The following VPS13D variants were observed in gnomAD, a reference collection of about 807,000 sequenced individuals.
VPS13D encodes intermembrane lipid transfer protein VPS13D.
Under a neutral mutation model 461.9 loss-of-function variants are expected in VPS13D, and 187 were observed. The ratio of observed to expected loss-of-function variants is 0.40; its 90% CI spans 0.36 to 0.46. VPS13D has a LOEUF of 0.46. VPS13D is among the 20% of genes least tolerant of loss of function. The pLI is 0.60. For missense variants in VPS13D, 4,711 were observed against 5,364.9 expected, an observed-to-expected ratio of 0.88 and a Z score of 3.81; for synonymous variants, 1,951 against 1,986.3, an observed-to-expected ratio of 0.98 and a Z score of 0.47.
intron 41 of VPS13D, 75 bp downstream of exon 41, chr1:12,341,960 G>T: frequency 7.2e-7 from 1 of 1,393,592 alleles, no homozygotes; most frequent in Non-Finnish European, 1.0e-6. Flanking sequence ...GTAGAGCAAG[G>T]TGGGCCCCCT....
At chr1:12,457,846 A>G (rs1378273198) in intron 66 of VPS13D, among the ~76,000 whole-genome samples, 3 of 152,226 alleles carry the variant, frequency 2.0e-5, no homozygotes, top group Non-Finnish European at 4.4e-5. Context: ...TAATTTGTTT[A>G]TGGATTTTAA....
At chr1:12,401,577 A>C (rs764807921) in intron 61 of VPS13D, 31 bp from the exon 62 acceptor site, 2 of 1,560,214 alleles carry the variant, frequency 1.3e-6, no homozygotes, top group Admixed American at 1.7e-5. Flanking sequence ...TCTGGTGTTC[A>C]CACTTTAAAT....
At chr1:12,267,145 T>TTAACAATTTCAA in intron 14 of VPS13D, 134 bp downstream of exon 14, 1 of 1,022,540 alleles carries the variant, frequency 9.8e-7, no homozygotes, top group Non-Finnish European at 1.3e-6. Flanking sequence ...AAAAGTTTCT[T>TTAACAATTTCAA]GAAATTGTTA....
At chr1:12,461,928 C>T (rs913501123) in intron 67 of VPS13D, among the ~76,000 whole-genome samples, 4 of 152,206 alleles carry the variant, frequency 2.6e-5, no homozygotes, top group African/African-American at 9.7e-5. Context: ...GCCACAGTCA[C>T]TGCAGAAAGA....
At chr1:12,245,692 TGCACCCCATTCTGG>T (rs1640528292) in intron 5 of VPS13D, among the ~76,000 whole-genome samples, 1 of 152,122 alleles carries the variant, frequency 6.6e-6, no homozygotes, top group South Asian at 2.1e-4. Flanking sequence ...ATAGTGCCCC[TGCACCCCATTCTGG>T]GCAACAGACC....
At chr1:12,444,362 A>G (rs1645167522) in intron 65 of VPS13D, among the ~76,000 whole-genome samples, 1 of 152,082 alleles carries the variant, frequency 6.6e-6, no homozygotes, top group Non-Finnish European at 1.5e-5. Flanking sequence ...ATGCCTCGAT[A>G]TGATTCTCAG....
At chr1:12,392,445 C>A (rs1644439272) in intron 60 of VPS13D, among the ~76,000 whole-genome samples, 3 of 150,270 alleles carry the variant, frequency 2.0e-5, no homozygotes, top group Admixed American at 6.6e-5. Context: ...CTCCTTTACA[C>A]TCCAGCCTGG....
At chr1:12,381,134 A>AATGTGT (rs1299114536) in intron 57 of VPS13D, among the ~76,000 whole-genome samples, 1 of 152,198 alleles carries the variant, frequency 6.6e-6, no homozygotes, top group Non-Finnish European at 1.5e-5. Flanking sequence ...AGCAGAGCAG[A>AATGTGT]ATGTGTTTTG....
At chr1:12,475,996 C>A (rs1173377925) in intron 67 of VPS13D, among the ~76,000 whole-genome samples, 1 of 152,012 alleles carries the variant, frequency 6.6e-6, no homozygotes, top group East Asian at 1.9e-4. Flanking sequence ...CCTTTTAGTT[C>A]CCAAACCCAT....
chr1:12,403,807 A>G lies in VPS13D; in HGVS notation c.11882-18A>G. ...TAAGAAATTCTTTTTTGTTTTTTTAATTCTTCCTTTGTACCAGAGGTGGAA... is the reference window on the plus strand; with the variant it reads ...TAAGAAATTCTTTTTTGTTTTTTTAGTTCTTCCTTTGTACCAGAGGTGGAA... On this transcript the variant is annotated intron_variant, in intron 62 of 69. Transcript: ENST00000620676. The G allele has an allele frequency of 6.4e-7, 1 of 1,565,630 alleles. No homozygotes were observed. The highest frequency in any genetic ancestry group is 8.6e-7 in the Non-Finnish European group (1 of 1,159,858).
chr1:12,339,663 T>C (rs530115581), intron 40 of VPS13D, among the ~76,000 whole-genome samples: 27 of 152,324 alleles, frequency 1.8e-4, no homozygotes, highest in African/African-American at 6.3e-4. Flanking sequence ...ATTTGGACCC[T>C]GGTGCAGAAG....
chr1:12,272,029 A>T (rs1273424793), intron 17 of VPS13D, among the ~76,000 whole-genome samples: 4 of 152,144 alleles, frequency 2.6e-5, no homozygotes, highest in African/African-American at 9.7e-5. Flanking sequence ...TTGTCTCTAC[A>T]AAAAATAAAA....
At chr1:12,307,688 C>T (rs1308438882) in intron 26 of VPS13D, among the ~76,000 whole-genome samples, 1 of 152,078 alleles carries the variant, frequency 6.6e-6, no homozygotes, top group African/African-American at 2.4e-5. Context: ...AGACTGGTTT[C>T]ACCATGTTGG....
chr1:12,374,067 G>T (rs1484645208), intron 55 of VPS13D, among the ~76,000 whole-genome samples: 1 of 152,218 alleles, frequency 6.6e-6, no homozygotes, highest in Non-Finnish European at 1.5e-5. Context: ...TGATCACCAG[G>T]TGTGATCAGC....
intron 18 of VPS13D, 59 bp from the exon 19 acceptor site, chr1:12,275,766 A>T: frequency 1.3e-6 from 2 of 1,491,116 alleles, no homozygotes; most frequent in South Asian, 2.8e-5. Context: ...TTATTACATT[A>T]AGGGAAAGAG....
chr1:12,482,199 C>T (rs755898095), intron 67 of VPS13D, among the ~76,000 whole-genome samples: 3 of 152,202 alleles, frequency 2.0e-5, no homozygotes, highest in Non-Finnish European at 2.9e-5. Flanking sequence ...GGCTTTGCCT[C>T]CCAATCTTGG....
chr1:12,303,332 A>T (rs990555243), intron 25 of VPS13D, among the ~76,000 whole-genome samples: 7 of 152,204 alleles, frequency 4.6e-5, no homozygotes, highest in Admixed American at 4.6e-4. Flanking sequence ...ACCATAGCTT[A>T]TGCTTAAACC....
At chr1:12,500,061 TC>T in intron 68 of VPS13D, 1 of 985,424 alleles carries the variant, frequency 1.0e-6, no homozygotes, top group South Asian at 4.7e-5. Flanking sequence ...GCTCACTGTT[TC>T]ACTTCTGGAA....
chr1:12,401,796 C>T, intron 62 of VPS13D, 92 bp downstream of exon 62: 1 of 971,260 alleles, frequency 1.0e-6, no homozygotes, highest in Non-Finnish European at 1.6e-6. Flanking sequence ...CCCTTGGTGT[C>T]TGATAGGCTC....
Sources: allele counts gnomAD v4.1 joint callset (sites outside exome capture counted in the v4.1 genomes callset), GRCh38; gene constraint gnomAD v4.1.1; transcripts MANE v1.5; gene names NCBI Gene and HGNC (gene_info 2026-07-23, HGNC 2026-07-21).